Variants in ZNF282 observed in about 807,000 individuals in gnomAD.
ZNF282 encodes HTLV-I U5 repressive element-binding protein 1.
A neutral mutation model predicts 61.9 loss-of-function variants in ZNF282; 30 were observed. That is an observed-to-expected ratio of 0.48 (90% confidence interval 0.36 to 0.66). The LOEUF is 0.66. Ranked by LOEUF, ZNF282 falls within the 30% of genes least tolerant of loss-of-function variation. The pLI is 0.00. For synonymous variants in ZNF282, 396 were observed against 405.0 expected, an observed-to-expected ratio of 0.98 and a Z score of 0.27; for missense variants, 788 against 941.4, an observed-to-expected ratio of 0.84 and a Z score of 2.13.
intron 5 of ZNF282, 25 bp downstream of exon 5, chr7:149,210,729 C>G: frequency 6.5e-7 from 1 of 1,547,190 alleles, no homozygotes; most frequent in South Asian, 1.2e-5. Context: ...CAGCCGTCCA[C>G]ACCAGGGAGG....
In ZNF282 at chr7:149,212,292, A is replaced by G. The variant is rs1372312903; in HGVS notation, c.953-66A>G. Reference sequence around the variant, plus strand: ...ATTGCATGAAATCAGAGATTTACTCAAAACACAAACTTGCAGGAGATTTCG... The same window carrying G: ...ATTGCATGAAATCAGAGATTTACTCGAAACACAAACTTGCAGGAGATTTCG... On this transcript the variant is annotated intron_variant, in intron 5 of 7. Transcript: ENST00000610704. The G allele has an allele frequency of 4.4e-6, 5 of 1,126,474 alleles. No homozygotes were observed. In the South Asian group the frequency reaches 5.9e-5, roughly 13 times the overall value. The allele number at this position is 1,126,474 out of a possible 1,614,324, so 69.8% of individuals were successfully genotyped here. A position where few individuals can be genotyped will look rare whatever the true frequency, so the allele number is the denominator to read the frequency against.
intron 2 of ZNF282, among the ~76,000 whole-genome samples, chr7:149,200,988 T>G (rs1795899785): frequency 6.6e-6 from 1 of 152,200 alleles, no homozygotes; most frequent in Non-Finnish European, 1.5e-5. Context: ...TGCCCAGCTT[T>G]CTTTCTGGAA....
In ZNF282 at chr7:149,213,565, G is replaced by A. The variant is rs73477987; in HGVS notation, c.1067-136G>A. The A allele has an allele frequency of 3.2e-3, 2,066 of 654,358 alleles. 35 individuals are homozygous for A. The African/African-American group carries it at 0.034, about 11-fold the overall frequency. 40.5% of individuals were successfully genotyped at this position (654,358 alleles called of 1,614,324 possible). A position where few individuals can be genotyped will look rare whatever the true frequency, so the allele number is the denominator to read the frequency against. ...AGGGGCTTATGAGGGTAAGGAGGATGGCCTGGAAATGCAACACCGATACCA... is the reference window on the plus strand; with the variant it reads ...AGGGGCTTATGAGGGTAAGGAGGATAGCCTGGAAATGCAACACCGATACCA... On this transcript the variant is annotated intron_variant, in intron 6 of 7. Transcript: ENST00000610704.
chr7:149,222,912 C>T (rs766932303), intron 7 of ZNF282, among the ~76,000 whole-genome samples: 3 of 152,146 alleles, frequency 2.0e-5, no homozygotes, highest in East Asian at 1.9e-4. Context: ...TCCCATAGTG[C>T]TGGGATTACA....
rs1388618002 is a variant in ZNF282 at position 149,198,326 on chromosome 7, C to T, written c.166-7C>T. On this transcript the variant is annotated splice_region_variant and splice_polypyrimidine_tract_variant and intron_variant, in intron 1 of 7. Transcript: ENST00000610704. The surrounding 1 kb of genome is among the most constrained non-coding windows in gnomAD (Gnocchi z 4.3). ...CCTGGGTTGTCGCTTTCTCCCTCTG[C>T]ATACAGGCTCAAGAATGGGACATGG... 6.3e-7 allele frequency: 1 copy of T among 1,596,982 alleles called. No homozygotes were observed. The highest frequency in any genetic ancestry group is 8.5e-7 in the Non-Finnish European group (1 of 1,170,016).
In ZNF282 at chr7:149,224,867, G is replaced by T. The variant is rs1796341958; in HGVS notation, c.*220G>T. On this transcript the variant is annotated 3_prime_UTR_variant, in exon 8 of 8. Transcript: ENST00000610704. Reference sequence around the variant, plus strand: ...GGACCCAGCTGCTGGGGAAGAGCCAGGGGGACCGCGAGGAGCCGAGCGTCC... The same window carrying T: ...GGACCCAGCTGCTGGGGAAGAGCCATGGGGACCGCGAGGAGCCGAGCGTCC... 4.7e-6 allele frequency: 4 copies of T among 848,726 alleles called. No homozygotes were observed. In the Admixed American group the frequency reaches 9.4e-5, roughly 20 times the overall value. The allele number at this position is 848,726 out of a possible 1,614,324, so 52.6% of individuals were successfully genotyped here.
chr7:149,215,111 C>T (rs1796142191), intron 7 of ZNF282, among the ~76,000 whole-genome samples: 1 of 151,796 alleles, frequency 6.6e-6, no homozygotes, highest in African/African-American at 2.4e-5. Context: ...CCCTTGCCCT[C>T]AACATGGCTG....
intron 7 of ZNF282, among the ~76,000 whole-genome samples, chr7:149,214,870 C>T (rs766970663): frequency 2.6e-5 from 4 of 152,018 alleles, no homozygotes; most frequent in Non-Finnish European, 1.5e-5. Flanking sequence ...ACTAGAAGTA[C>T]CCCAGGCATC....
intron 4 of ZNF282, 139 bp from the exon 5 acceptor site, chr7:149,210,446 T>C: frequency 1.4e-6 from 2 of 1,430,288 alleles, no homozygotes; most frequent in Non-Finnish European, 1.9e-6. Flanking sequence ...CTGTCAGCCA[T>C]GCTTCTGAGC....
At chr7:149,209,405 C>A (rs1286870180) in intron 4 of ZNF282, among the ~76,000 whole-genome samples, 3 of 152,148 alleles carry the variant, frequency 2.0e-5, no homozygotes, top group Non-Finnish European at 4.4e-5. Flanking sequence ...AATCGACTGT[C>A]CATATCTATG....
intron 4 of ZNF282, among the ~76,000 whole-genome samples, chr7:149,208,890 G>A (rs75656120): frequency 0.037 from 5,536 of 151,642 alleles, 335 homozygotes; most frequent in African/African-American, 0.13. Flanking sequence ...GTGCAGTGGC[G>A]TGCACCTGTA....
At chr7:149,212,505 A>G in intron 6 of ZNF282, 34 bp downstream of exon 6, 1 of 1,484,720 alleles carries the variant, frequency 6.7e-7, no homozygotes, top group Non-Finnish European at 9.3e-7. Context: ...CTTGAGGGCA[A>G]CAAGTGTTTT....
At chr7:149,204,353 G>A (rs991897442) in intron 2 of ZNF282, among the ~76,000 whole-genome samples, 2 of 152,130 alleles carry the variant, frequency 1.3e-5, no homozygotes, top group Non-Finnish European at 2.9e-5. Flanking sequence ...AATCTAAGGG[G>A]GTAAAGAATG....
chr7:149,210,541 C>T, intron 4 of ZNF282, 44 bp from the exon 5 acceptor site: 1 of 1,597,276 alleles, frequency 6.3e-7, no homozygotes. Flanking sequence ...CTCCTGGTGC[C>T]TGCAGAAAAA....
chr7:149,198,293 G>T lies in ZNF282; in HGVS notation c.166-40G>T. 1 of 1,551,098 alleles carries T rather than the reference G, an allele frequency of 6.4e-7. No individual in the cohort carries two copies. Among genetic ancestry groups the T allele is most frequent in the Non-Finnish European group, 8.7e-7 (1 of 1,147,500 alleles). On this transcript the variant is annotated intron_variant, in intron 1 of 7. Coordinates refer to ENST00000610704, the MANE Select transcript of ZNF282 (RefSeq NM_003575.4). This position sits in a 1 kb window ranked among gnomAD's most constrained non-coding sequence, Gnocchi z 4.3. ...CAGCTGACTTCCCCGGCTCACACAA[G>T]GTCTCATCCTGGGTTGTCGCTTTCT...
chr7:149,207,423 A>G lies in ZNF282; in HGVS notation c.785A>G (p.Glu262Gly), dbSNP rs1477513237. Residue 262 changes from glutamate (E) to glycine (G), a missense_variant, in exon 4 of 8, where the codon GAG becomes GGG. Around this residue, in one of 3 missense-constraint regions of ZNF282, gnomAD observed 559 missense variants for 642.0 expected, o/e 0.87. Coordinates refer to ENST00000610704, the MANE Select transcript of ZNF282 (RefSeq NM_003575.4). ...AEPREEPCVW[E>G]QRHPEEREIP... is the part of the protein sequence containing the mutation. ...CCCAGGGAAGAACCTTGTGTGTGGG[A>G]GCAGCGCCACCCCGAAGAGAGAGAA... 1 of 1,570,510 alleles carries G rather than the reference A, an allele frequency of 6.4e-7. No individual in the cohort carries two copies. Among genetic ancestry groups the G allele is most frequent in the Non-Finnish European group, 8.6e-7 (1 of 1,156,556 alleles).
chr7:149,205,666 G>A (rs76293410), intron 2 of ZNF282, among the ~76,000 whole-genome samples: 235 of 152,236 alleles, frequency 1.5e-3, no homozygotes, highest in African/African-American at 5.2e-3. Context: ...CTGGTAAAAG[G>A]GCTGACATTT....
At position 149,225,721 on chromosome 7, in the gene ZNF282, C is replaced by T. The variant is rs1048863434; in HGVS notation, c.*1074C>T. On this transcript the variant is annotated 3_prime_UTR_variant, in exon 8 of 8. Transcript: ENST00000610704. ...CAAGTGGGTGCTAGAGTCTGAGCCT[C>T]AGGCTCTCCTGCCCTGGGCCTCCCA... 3.9e-5 allele frequency: 6 copies of T among 152,774 alleles called. No homozygotes were observed. Among genetic ancestry groups the T allele is most frequent in the Non-Finnish European group, 8.8e-5 (6 of 68,132 alleles). The allele number at this position is 152,774 out of a possible 1,614,324, so 9.5% of individuals were successfully genotyped here. A position where few individuals can be genotyped will look rare whatever the true frequency, so the allele number is the denominator to read the frequency against.
At chr7:149,211,588 GTA>G (rs1181967926) in intron 5 of ZNF282, among the ~76,000 whole-genome samples, 6 of 152,126 alleles carry the variant, frequency 3.9e-5, no homozygotes, top group Non-Finnish European at 8.8e-5. Context: ...AAATATCTGG[GTA>G]CCGTGGCCGA....
Sources: allele counts gnomAD v4.1 joint callset (sites outside exome capture counted in the v4.1 genomes callset), GRCh38; gene constraint gnomAD v4.1.1; regional missense constraint gnomAD v4.1.1; non-coding constraint Gnocchi (gnomAD v3.1); transcripts MANE v1.5; gene names NCBI Gene and HGNC (gene_info 2026-07-23, HGNC 2026-07-21).